CSMD1: variants seen among roughly 807,000 people sequenced by gnomAD.
The protein encoded by CSMD1 is CUB and Sushi multiple domains 1, also known as CUB and sushi domain-containing protein 1.
CSMD1 carries 213 observed loss-of-function variants against 417.5 expected under a neutral mutation model. The observed-to-expected ratio is 0.51, with a 90% CI of 0.46 to 0.57. The LOEUF is 0.57. Ranked by LOEUF, CSMD1 falls within the 20% of genes least tolerant of loss-of-function variation. The probability of loss-of-function intolerance (pLI) is 0.00; values close to 1 mark genes in which losing one functional copy is unlikely to be tolerated. For missense variants in CSMD1, 6,923 were observed against 4,529.7 expected, an observed-to-expected ratio of 1.53 and a Z score of -15.17; for synonymous variants, 2,862 against 1,736.8, an observed-to-expected ratio of 1.65 and a Z score of -16.11.
At chr8:4,125,989 T>C (rs1022550588) in intron 3 of CSMD1, among the ~76,000 whole-genome samples, 1 of 152,124 alleles carries the variant, frequency 6.6e-6, no homozygotes, top group Admixed American at 6.5e-5. Context: ...AGATCGGTGG[T>C]TGTGATATGT....
intron 5 of CSMD1, among the ~76,000 whole-genome samples, chr8:3,785,734 G>T (rs893691850): frequency 2.6e-5 from 4 of 152,104 alleles, no homozygotes; most frequent in African/African-American, 9.7e-5. Flanking sequence ...CCCAGGGTGC[G>T]GGGAGCCAGG....
chr8:4,647,990 C>T (rs1255445153), intron 1 of CSMD1, among the ~76,000 whole-genome samples: 1 of 152,214 alleles, frequency 6.6e-6, no homozygotes, highest in Admixed American at 6.5e-5. Context: ...GGAACTGCCA[C>T]ACTGTCTTCC....
chr8:3,652,530 T>C (rs1036347792), intron 7 of CSMD1, among the ~76,000 whole-genome samples: 3 of 152,220 alleles, frequency 2.0e-5, no homozygotes, highest in Admixed American at 1.3e-4. Flanking sequence ...CATTTCAGCA[T>C]GGCTGGGGAG....
At chr8:4,812,112 C>T (rs893759787) in intron 1 of CSMD1, among the ~76,000 whole-genome samples, 1 of 152,154 alleles carries the variant, frequency 6.6e-6, no homozygotes, top group Non-Finnish European at 1.5e-5. Flanking sequence ...ACAGGAGTCT[C>T]AGGAATGAGA....
At chr8:4,270,510 G>A (rs958307750) in intron 3 of CSMD1, among the ~76,000 whole-genome samples, 1 of 152,018 alleles carries the variant, frequency 6.6e-6, no homozygotes, top group Non-Finnish European at 1.5e-5. Flanking sequence ...GCTTTTCTGA[G>A]TCTCCTCTCT....
chr8:4,081,342 A>G (rs1800121186), intron 3 of CSMD1, among the ~76,000 whole-genome samples: 1 of 152,182 alleles, frequency 6.6e-6, no homozygotes, highest in African/African-American at 2.4e-5. Flanking sequence ...GATAGGGTTA[A>G]ACAACAGGGT....
chr8:4,400,824 G>A (rs1034289057), intron 3 of CSMD1, among the ~76,000 whole-genome samples: 2 of 148,704 alleles, frequency 1.3e-5, no homozygotes, highest in Non-Finnish European at 3.0e-5. Flanking sequence ...AGGATTATTA[G>A]GGCATTTGAA....
At chr8:4,623,805 G>T (rs1585347702) in intron 2 of CSMD1, among the ~76,000 whole-genome samples, 2 of 151,974 alleles carry the variant, frequency 1.3e-5, no homozygotes, top group Admixed American at 6.6e-5. Context: ...AATTCATAGT[G>T]ACAGAAAACA....
chr8:4,083,680 A>G (rs923404831), intron 3 of CSMD1, among the ~76,000 whole-genome samples: 25 of 152,200 alleles, frequency 1.6e-4, no homozygotes, highest in Non-Finnish European at 2.9e-5. Context: ...CACCTTATAC[A>G]AAAATCAATT....
In CSMD1 at chr8:3,348,059, G is replaced by A; in HGVS notation, c.3407C>T (p.Thr1136Ile). The change falls in exon 22 of 70, where the codon ACA becomes ATA. Residue 1136 changes from threonine to isoleucine, a missense_variant. Physicochemically the swap from Thr to Ile is moderately conservative, Grantham distance 89. Coordinates refer to ENST00000635120, the MANE Select transcript of CSMD1 (RefSeq NM_033225.6). ...NNHECIYKIETEAGKGIHLRT... is the reference protein window; with the variant it reads ...NNHECIYKIEIEAGKGIHLRT... The stretch of plus-strand genomic sequence containing the variant: ...AAGGTGGATGCCCTTGCCGGCTTCT[G>A]TTTCTATTTTATAGATACACTCATG... The A allele has an allele frequency of 1.9e-6, 3 of 1,612,112 alleles. No homozygotes were observed. The highest frequency in any genetic ancestry group is 2.5e-6 in the Non-Finnish European group (3 of 1,179,004).
intron 10 of CSMD1, 110 bp downstream of exon 10, chr8:3,574,835 A>C: frequency 7.8e-7 from 1 of 1,286,152 alleles, no homozygotes; most frequent in Non-Finnish European, 1.1e-6. Flanking sequence ...TTTTAAATTC[A>C]AACAGTAAAG....
chr8:3,139,181 T>C (rs527892149), intron 41 of CSMD1, among the ~76,000 whole-genome samples: 1 of 152,278 alleles, frequency 6.6e-6, no homozygotes, highest in Admixed American at 6.5e-5. Flanking sequence ...TCCTGGCGCT[T>C]GCAGAAGACT....
intron 2 of CSMD1, among the ~76,000 whole-genome samples, chr8:4,438,331 C>T (rs749225124): frequency 2.6e-5 from 4 of 152,180 alleles, no homozygotes; most frequent in Non-Finnish European, 5.9e-5. Flanking sequence ...ACCAAATCTC[C>T]AGTCTCTGAA....
intron 2 of CSMD1, among the ~76,000 whole-genome samples, chr8:4,552,585 G>C (rs1797921119): frequency 6.6e-6 from 1 of 151,958 alleles, no homozygotes; most frequent in South Asian, 2.1e-4. Context: ...CGGTTCTCCT[G>C]AAATGGACTT....
chr8:3,308,732 G>GTTTTTTTTTTTT (rs5888961), intron 23 of CSMD1, among the ~76,000 whole-genome samples: 150 of 108,942 alleles, frequency 1.4e-3, no homozygotes, highest in East Asian at 3.3e-3. Context: ...CTACTTACAA[G>GTTTTTTTTTTTT]TTTTTTTTTT....
chr8:4,419,855 G>T, intron 3 of CSMD1, 98 bp downstream of exon 3: 1 of 837,218 alleles, frequency 1.2e-6, no homozygotes, highest in Non-Finnish European at 1.9e-6. Flanking sequence ...GGAACGACCT[G>T]CGACATAGCA....
At chr8:4,358,819 G>T (rs531642732) in intron 3 of CSMD1, among the ~76,000 whole-genome samples, 25 of 152,168 alleles carry the variant, frequency 1.6e-4, no homozygotes, top group Admixed American at 1.4e-3. Flanking sequence ...TATAAATCAC[G>T]TAAGAGTGCC....
chr8:4,221,105 T>C (rs898711951), intron 3 of CSMD1, among the ~76,000 whole-genome samples: 2 of 151,874 alleles, frequency 1.3e-5, no homozygotes, highest in Non-Finnish European at 2.9e-5. Context: ...AAGAGAGGAA[T>C]ACAACGGACA....
chr8:3,928,741 C>G (rs1809927687), intron 5 of CSMD1, among the ~76,000 whole-genome samples: 1 of 149,898 alleles, frequency 6.7e-6, no homozygotes, highest in Non-Finnish European at 1.5e-5. Flanking sequence ...TACTTTTGAA[C>G]CCATTCTGAA....
Sources: allele counts gnomAD v4.1 joint callset (sites outside exome capture counted in the v4.1 genomes callset), GRCh38; gene constraint gnomAD v4.1.1; transcripts MANE v1.5; gene names NCBI Gene and HGNC (gene_info 2026-07-23, HGNC 2026-07-21).